PTPN9: variants seen among roughly 807,000 people sequenced by gnomAD.
The protein encoded by PTPN9 is tyrosine-protein phosphatase non-receptor type 9.
In PTPN9, 26 loss-of-function variants were observed where a neutral mutation model predicts 69.8. The ratio of observed to expected loss-of-function variants is 0.37; its 90% CI spans 0.27 to 0.52. The LOEUF is 0.52. Among genes scored for constraint, PTPN9 ranks in the 20% least tolerant of loss-of-function variants. The probability of loss-of-function intolerance (pLI) is 0.91; values close to 1 mark genes in which losing one functional copy is unlikely to be tolerated. For synonymous variants in PTPN9, 274 were observed against 272.5 expected (o/e 1.01, Z -0.05); for missense variants, 549 against 740.3 (o/e 0.74, Z 3.00).
intron 7 of PTPN9, among the ~76,000 whole-genome samples, chr15:75,498,630 G>A (rs1241295219): frequency 2.0e-5 from 3 of 152,032 alleles, no homozygotes; most frequent in Admixed American, 6.6e-5. Context: ...CAGGAGAATC[G>A]CTTGAACCTG....
intron 1 of PTPN9, among the ~76,000 whole-genome samples, chr15:75,532,328 G>T: frequency 6.6e-6 from 1 of 152,030 alleles, no homozygotes; most frequent in East Asian, 1.9e-4. Flanking sequence ...CTTGAACCCA[G>T]GAGGCAGAGG....
At chr15:75,559,350 A>C (rs1463002114) in intron 1 of PTPN9, among the ~76,000 whole-genome samples, 1 of 152,156 alleles carries the variant, frequency 6.6e-6, no homozygotes, top group Admixed American at 6.6e-5. Flanking sequence ...TGTGGGGAAA[A>C]GATAGAGAAA....
At chr15:75,522,843 C>T (rs1486653698) in intron 4 of PTPN9, among the ~76,000 whole-genome samples, 1 of 152,116 alleles carries the variant, frequency 6.6e-6, no homozygotes, top group Non-Finnish European at 1.5e-5. Flanking sequence ...CATTCTTTTC[C>T]AATAAGTAGT....
At chr15:75,554,005 C>CTTTTTTTTTTTTTTTTTT (rs72050060) in intron 1 of PTPN9, among the ~76,000 whole-genome samples, 1 of 125,378 alleles carries the variant, frequency 8.0e-6, no homozygotes. Flanking sequence ...TACTTTCTTT[C>CTTTTTTTTTTTTTTTTTT]TTTTTTTTTT....
At chr15:75,519,552 C>A (rs1470594401) in intron 4 of PTPN9, among the ~76,000 whole-genome samples, 1 of 152,170 alleles carries the variant, frequency 6.6e-6, no homozygotes, top group Non-Finnish European at 1.5e-5. Flanking sequence ...ATGAAAGTTT[C>A]TCCAGCAGAC....
At chr15:75,566,026 T>C (rs1055661801) in intron 1 of PTPN9, among the ~76,000 whole-genome samples, 1 of 152,162 alleles carries the variant, frequency 6.6e-6, no homozygotes, top group Admixed American at 6.6e-5. Context: ...AAAAGAAAAG[T>C]TTCCTGTATC....
chr15:75,514,683 A>G (rs1340167011), intron 5 of PTPN9, among the ~76,000 whole-genome samples: 2 of 152,262 alleles, frequency 1.3e-5, no homozygotes, highest in Non-Finnish European at 2.9e-5. Flanking sequence ...GTGTGTGTGT[A>G]TATATGTATC....
intron 5 of PTPN9, among the ~76,000 whole-genome samples, chr15:75,513,848 T>C (rs903537937): frequency 8.6e-5 from 13 of 151,114 alleles, no homozygotes; most frequent in African/African-American, 2.9e-4. Flanking sequence ...TCTTTAATCC[T>C]AGCACTCTGG....
chr15:75,513,136 T>C (rs2074852063), intron 5 of PTPN9: 1 of 396,570 alleles, frequency 2.5e-6, no homozygotes, highest in Non-Finnish European at 5.0e-6. Flanking sequence ...CAGACAGTCA[T>C]GTAAATAGAC....
At chr15:75,502,305 G>C (rs998894286) in intron 7 of PTPN9, among the ~76,000 whole-genome samples, 1 of 152,024 alleles carries the variant, frequency 6.6e-6, no homozygotes, top group African/African-American at 2.4e-5. Context: ...AAATTAGCCA[G>C]GCATGGTGGT....
chr15:75,468,958 G>A lies in PTPN9; in HGVS notation c.1593C>T (p.Cys531=). 6.2e-7 allele frequency: 1 copy of A among 1,613,800 alleles called. No homozygotes were observed. Among genetic ancestry groups the A allele is most frequent in the Non-Finnish European group, 8.5e-7 (1 of 1,179,684 alleles). ...RTGTFCSLDI[C]LAQLEELGTL... is the part of the protein sequence containing the mutation. The stretch of plus-strand genomic sequence containing the variant: ...TGCCAAGCTCCTCCAGCTGTGCCAG[G>A]CAGATGTCCAGTGAGCAGAAGGTAC... Residue 531 remains cysteine (C), a synonymous_variant, in exon 13 of 13, where the codon TGC becomes TGT. Transcript: ENST00000618819.
intron 1 of PTPN9, among the ~76,000 whole-genome samples, chr15:75,543,785 T>A (rs2075019553): frequency 6.6e-6 from 1 of 152,258 alleles, no homozygotes; most frequent in African/African-American, 2.4e-5. Context: ...AACTAAAATA[T>A]ACATAACAGG....
chr15:75,480,215 T>G (rs116392771), intron 8 of PTPN9, among the ~76,000 whole-genome samples: 1,574 of 152,112 alleles, frequency 0.01, 31 homozygotes, highest in African/African-American at 0.036. Context: ...AATATAAGAG[T>G]AAATCTTTGT....
At chr15:75,555,797 G>A (rs1029999429) in intron 1 of PTPN9, among the ~76,000 whole-genome samples, 7 of 151,650 alleles carry the variant, frequency 4.6e-5, no homozygotes, top group Non-Finnish European at 7.4e-5. Flanking sequence ...AAGCCACTGC[G>A]CCCGGCCAAA....
chr15:75,490,312 C>T lies in PTPN9; in HGVS notation c.969-11G>A, dbSNP rs749653902. On this transcript the variant is annotated splice_polypyrimidine_tract_variant and intron_variant, in intron 7 of 12. Transcript: ENST00000618819. The stretch of plus-strand genomic sequence containing the variant: ...AGGTTTCCTGGAGACCTGAAGGAAA[C>T]GAAACAAACAAGCAAGAATAAAGAA... 31 of 1,576,786 alleles carry T rather than the reference C, an allele frequency of 2.0e-5. No homozygotes were observed. The highest frequency in any genetic ancestry group is 1.7e-4 in the Middle Eastern group (1 of 6,026).
intron 7 of PTPN9, among the ~76,000 whole-genome samples, chr15:75,493,255 C>T (rs556000265): frequency 2.3e-4 from 35 of 151,894 alleles, no homozygotes; most frequent in African/African-American, 8.2e-4. Context: ...GAAAAGTAAC[C>T]TCTAAAAGGC....
chr15:75,532,867 C>T (rs1386280683), intron 1 of PTPN9, among the ~76,000 whole-genome samples: 1 of 152,216 alleles, frequency 6.6e-6, no homozygotes, highest in Middle Eastern at 3.2e-3. Flanking sequence ...ATTTCTCCCT[C>T]TGCTTACACA....
At chr15:75,485,534 A>G (rs1468545646) in intron 8 of PTPN9, among the ~76,000 whole-genome samples, 5 of 147,168 alleles carry the variant, frequency 3.4e-5, no homozygotes, top group African/African-American at 1.3e-4. Context: ...GCGCCCGGCT[A>G]ATTTTTTGTA....
intron 8 of PTPN9, among the ~76,000 whole-genome samples, chr15:75,486,303 TAGAC>T (rs1202008254): frequency 2.0e-5 from 3 of 152,032 alleles, no homozygotes; most frequent in African/African-American, 7.2e-5. Context: ...ATGGGGCCTT[TAGAC>T]AGGTGATTAG....
Sources: allele counts gnomAD v4.1 joint callset (sites outside exome capture counted in the v4.1 genomes callset), GRCh38; gene constraint gnomAD v4.1.1; transcripts MANE v1.5; gene names NCBI Gene and HGNC (gene_info 2026-07-23, HGNC 2026-07-21).